Variants in SCAPER observed in about 807,000 individuals in gnomAD.
SCAPER encodes the protein S-phase cyclin A associated protein in the ER.
Under a neutral mutation model 182.2 loss-of-function variants are expected in SCAPER, and 98 were observed. The observed-to-expected ratio is 0.54, with a 90% CI of 0.46 to 0.64. The LOEUF (loss-of-function observed/expected upper bound fraction) is 0.64. Ranked by LOEUF, SCAPER falls within the 30% of genes least tolerant of loss-of-function variation. SCAPER has a pLI of 0.00. For synonymous variants in SCAPER, 605 were observed against 564.6 expected (o/e 1.07, Z -1.01); for missense variants, 1,432 against 1,690.0 (o/e 0.85, Z 2.68).
At chr15:76,779,798 A>G (rs1333151269) in intron 8 of SCAPER, among the ~76,000 whole-genome samples, 1 of 152,228 alleles carries the variant, frequency 6.6e-6, no homozygotes, top group Non-Finnish European at 1.5e-5. Flanking sequence ...TCAACAAAAT[A>G]ATAGTATATG....
chr15:76,645,843 A>G (rs2054502076), intron 21 of SCAPER, among the ~76,000 whole-genome samples: 1 of 152,192 alleles, frequency 6.6e-6, no homozygotes, highest in African/African-American at 2.4e-5. Flanking sequence ...TTTTTTAAAA[A>G]CACACGAATG....
chr15:76,551,037 T>C (rs186187905), intron 23 of SCAPER, among the ~76,000 whole-genome samples: 18 of 152,246 alleles, frequency 1.2e-4, no homozygotes, highest in African/African-American at 3.6e-4. Flanking sequence ...AGAATGGCTA[T>C]TATCAGAAAT....
In SCAPER at chr15:76,376,167, T is replaced by A; in HGVS notation, c.3850A>T (p.Asn1284Tyr). The A allele has an allele frequency of 6.2e-7, 1 of 1,613,960 alleles. No homozygotes were observed. Among genetic ancestry groups the A allele is most frequent in the Non-Finnish European group, 8.5e-7 (1 of 1,179,840 alleles). The change falls in exon 29 of 32, where the codon AAC becomes TAC. Residue 1284 changes from asparagine to tyrosine, a missense_variant. By Grantham distance (143) the Asn-to-Tyr change is moderately radical. Around this residue, in one of 5 missense-constraint regions of SCAPER, gnomAD observed 718 missense variants for 799.7 expected, o/e 0.90. Transcript: ENST00000563290. ...VGYFTVNHPD[N>Y]QVIVQSGRHP... ...AACTTTCCAGGGCCTCTTACCTGGT[T>A]ATCTGGGTGGTTGACAGTGAAGTAG...
At chr15:76,579,791 A>G (rs937332969) in intron 22 of SCAPER, among the ~76,000 whole-genome samples, 1 of 152,176 alleles carries the variant, frequency 6.6e-6, no homozygotes, top group African/African-American at 2.4e-5. Context: ...AATTTCTCCT[A>G]TAAAGACACA....
intron 2 of SCAPER, among the ~76,000 whole-genome samples, chr15:76,882,483 A>T (rs2073612142): frequency 6.6e-6 from 1 of 151,414 alleles, no homozygotes; most frequent in Non-Finnish European, 1.5e-5. Flanking sequence ...AGGGCAGATT[A>T]AAAAAAAAGA....
chr15:76,613,100 C>T (rs772581595), intron 22 of SCAPER, among the ~76,000 whole-genome samples: 9 of 152,034 alleles, frequency 5.9e-5, no homozygotes, highest in African/African-American at 1.2e-4. Flanking sequence ...CAGAATAGAG[C>T]GCCCAGAAAT....
At chr15:76,827,210 T>C (rs570832127) in intron 5 of SCAPER, among the ~76,000 whole-genome samples, 2 of 152,348 alleles carry the variant, frequency 1.3e-5, no homozygotes, top group South Asian at 2.1e-4. Context: ...TACAGATGAC[T>C]GCTACTGAGA....
chr15:76,383,698 T>C (rs2043115505), intron 27 of SCAPER, among the ~76,000 whole-genome samples: 2 of 152,158 alleles, frequency 1.3e-5, no homozygotes, highest in Non-Finnish European at 2.9e-5. Flanking sequence ...GTCATACAAA[T>C]TTTTAGTGGC....
intron 21 of SCAPER, among the ~76,000 whole-genome samples, chr15:76,651,156 G>T (rs1275490583): frequency 6.6e-6 from 1 of 151,770 alleles, no homozygotes; most frequent in Non-Finnish European, 1.5e-5. Context: ...AAATAATAAA[G>T]AACATGAAAT....
chr15:76,357,189 C>CACACACACACACACACACA (rs1555410451), intron 29 of SCAPER, among the ~76,000 whole-genome samples: 11 of 146,484 alleles, frequency 7.5e-5, no homozygotes, highest in South Asian at 2.2e-4. Flanking sequence ...CACACACACA[C>CACACACACACACACACACA]CCCTATGGCC....
intron 10 of SCAPER, 132 bp downstream of exon 10, chr15:76,771,610 G>T: frequency 1.6e-6 from 1 of 644,466 alleles, no homozygotes; most frequent in Non-Finnish European, 2.5e-6. Flanking sequence ...ATAATAAAAT[G>T]TTAAAATGAA....
chr15:76,763,671 T>C (rs2062934939), intron 14 of SCAPER, among the ~76,000 whole-genome samples: 1 of 152,168 alleles, frequency 6.6e-6, no homozygotes, highest in African/African-American at 2.4e-5. Context: ...TTCTCTCCTC[T>C]TACTGGGTAA....
At position 76,351,292 on chromosome 15, in the gene SCAPER, T is replaced by C. The variant is rs1213612324; in HGVS notation, c.4048-4A>G. The C allele has an allele frequency of 6.2e-7, 1 of 1,606,852 alleles. No individual in the cohort carries two copies. Among genetic ancestry groups the C allele is most frequent in the East Asian group, 2.2e-5 (1 of 44,682 alleles). On this transcript the variant is annotated splice_region_variant and splice_polypyrimidine_tract_variant and intron_variant, in intron 30 of 31. Coordinates refer to ENST00000563290, the MANE Select transcript of SCAPER (RefSeq NM_020843.4). ...GACCTGGAGTCTGTGCCAAATCCTG[T>C]ATGAGGAGAGAAAAGTGTTTTTCTA...
intron 2 of SCAPER, among the ~76,000 whole-genome samples, chr15:76,867,054 T>A (rs944770851): frequency 7.2e-5 from 11 of 152,206 alleles, no homozygotes; most frequent in African/African-American, 2.2e-4. Flanking sequence ...TTACAATAGT[T>A]ACCAAAGAGG....
chr15:76,380,798 A>G (rs1217210066), intron 28 of SCAPER: 1 of 152,204 alleles, frequency 6.6e-6, no homozygotes, highest in Non-Finnish European at 1.5e-5. Flanking sequence ...TTCTTTCTTT[A>G]GCTATAAAAA....
At chr15:76,533,174 T>C (rs2043823504) in intron 23 of SCAPER, among the ~76,000 whole-genome samples, 1 of 152,128 alleles carries the variant, frequency 6.6e-6, no homozygotes, top group Non-Finnish European at 1.5e-5. Flanking sequence ...GGGCTGGCTT[T>C]GCGGAGTGGG....
chr15:76,902,211 T>C (rs2074826527), intron 1 of SCAPER, among the ~76,000 whole-genome samples: 1 of 152,236 alleles, frequency 6.6e-6, no homozygotes, highest in African/African-American at 2.4e-5. Flanking sequence ...CGGATAGAGC[T>C]GGAGACCAAT....
intron 14 of SCAPER, among the ~76,000 whole-genome samples, chr15:76,758,841 C>T (rs1261862054): frequency 1.3e-5 from 2 of 152,024 alleles, no homozygotes; most frequent in African/African-American, 4.8e-5. Flanking sequence ...CTTTTTGTTG[C>T]TAATATAAAG....
At chr15:76,753,777 T>G in intron 15 of SCAPER, 31 bp downstream of exon 15, 1 of 1,592,356 alleles carries the variant, frequency 6.3e-7, no homozygotes, top group Non-Finnish European at 8.6e-7. Context: ...CTTGGGTAAT[T>G]AAGTCAACAT....
Sources: gnomAD v4.1 joint callset for allele counts (sites outside exome capture counted in the v4.1 genomes callset) on GRCh38, gnomAD v4.1.1 for gene constraint, gnomAD v4.1.1 regional missense constraint, MANE v1.5 for transcripts, NCBI Gene and HGNC (gene_info 2026-07-23, HGNC 2026-07-21) for gene names.